The following PEX5L variants were observed in gnomAD, a reference collection of about 807,000 sequenced individuals.
PEX5L encodes the protein peroxisomal biogenesis factor 5 like, also known as PEX5-related protein.
A neutral mutation model predicts 84.0 loss-of-function variants in PEX5L; 30 were observed. The observed-to-expected ratio is 0.36, with a 90% CI of 0.27 to 0.48. PEX5L has a LOEUF of 0.48. Among genes scored for constraint, PEX5L ranks in the 20% least tolerant of loss-of-function variants. The pLI is 0.99. For synonymous variants in PEX5L, 270 were observed against 283.1 expected, an observed-to-expected ratio of 0.95 and a Z score of 0.46; for missense variants, 533 against 754.6, an observed-to-expected ratio of 0.71 and a Z score of 3.44.
intron 9 of PEX5L, among the ~76,000 whole-genome samples, chr3:179,819,327 T>C (rs75062048): frequency 0.053 from 8,041 of 152,226 alleles, 692 homozygotes; most frequent in African/African-American, 0.18. Flanking sequence ...CTGGGGCTCC[T>C]ATCAGGGGAG....
At position 179,826,586 on chromosome 3, in the gene PEX5L, T is replaced by C. The variant is rs148898713; in HGVS notation, c.823-6610A>G. Among the ~76,000 whole-genome samples, 7 of 152,278 alleles carry C rather than the reference T, an allele frequency of 4.6e-5. No homozygotes were observed. The East Asian group carries it at 1.4e-3, about 29-fold the overall frequency. ...GCTGGTGACTAGGGCTCCTTTACCA[T>C]GGGCATGAGGAGATGGGGACATGTA... On this transcript the variant is annotated intron_variant, in intron 8 of 14. Transcript: ENST00000467460.
intron 8 of PEX5L, among the ~76,000 whole-genome samples, chr3:179,844,173 A>C (rs1560339287): frequency 6.6e-6 from 1 of 152,160 alleles, no homozygotes. Context: ...GCGTGTGTGC[A>C]TGTGTGTGTG....
chr3:179,963,927 C>A (rs2110134980), intron 2 of PEX5L, among the ~76,000 whole-genome samples: 1 of 152,186 alleles, frequency 6.6e-6, no homozygotes, highest in South Asian at 2.1e-4. Flanking sequence ...AATTATAATT[C>A]AATGTCCCCA....
At chr3:179,946,260 T>C (rs1777522942) in intron 2 of PEX5L, among the ~76,000 whole-genome samples, 1 of 152,190 alleles carries the variant, frequency 6.6e-6, no homozygotes, top group Non-Finnish European at 1.5e-5. Flanking sequence ...ATAGAGTAAG[T>C]GAACTAATTT....
chr3:179,986,918 C>T (rs1579240201), intron 1 of PEX5L, among the ~76,000 whole-genome samples: 1 of 152,250 alleles, frequency 6.6e-6, no homozygotes, highest in Non-Finnish European at 1.5e-5. Context: ...AAAAGGTCAA[C>T]AGCTCTTTAT....
chr3:179,798,348 G>C lies in PEX5L; in HGVS notation c.*3480C>G, dbSNP rs182367761. 6 of 152,264 alleles carry C rather than the reference G, an allele frequency of 3.9e-5. No individual in the cohort carries two copies. The East Asian group carries it at 9.6e-4, about 24-fold the overall frequency. The allele number at this position is 152,264 out of a possible 1,614,324, so 9.4% of individuals were successfully genotyped here. On this transcript the variant is annotated 3_prime_UTR_variant, in exon 15 of 15. Coordinates refer to ENST00000467460, the MANE Select transcript of PEX5L (RefSeq NM_016559.3). ...TCTACCCATTTTTCAGGAGTCATGG[G>C]GAGTGAGTTTTGGAGGAAGTAAAGG...
chr3:179,944,006 C>G (rs566562654), intron 2 of PEX5L, among the ~76,000 whole-genome samples: 24 of 151,698 alleles, frequency 1.6e-4, no homozygotes, highest in Middle Eastern at 3.4e-3. Flanking sequence ...GCCCTCCCCC[C>G]CCCAAAAAAC....
intron 8 of PEX5L, among the ~76,000 whole-genome samples, chr3:179,828,694 G>C (rs1056034639): frequency 1.3e-5 from 2 of 151,438 alleles, no homozygotes; most frequent in Non-Finnish European, 2.9e-5. Flanking sequence ...TGTGTGTTTA[G>C]GGTTCTCTAG....
rs549311495 is a variant in PEX5L, at chr3:179,796,545, C to T, written c.*5283G>A. ...TTTTTTCCTCTTAACTGTTTAATGC[C>T]TCCCCACAATCGTCTTTGCTATGTG... On this transcript the variant is annotated 3_prime_UTR_variant, in exon 15 of 15. Coordinates refer to ENST00000467460, the MANE Select transcript of PEX5L (RefSeq NM_016559.3). 1.3e-5 allele frequency: 2 copies of T among 151,988 alleles called. No homozygotes were observed. The highest frequency in any genetic ancestry group is 2.1e-4 in the South Asian group (1 of 4,802). The allele number at this position is 151,988 out of a possible 1,614,324, so 9.4% of individuals were successfully genotyped here.
chr3:179,815,746 A>T (rs1725828135), intron 10 of PEX5L, 115 bp downstream of exon 10: 2 of 1,131,152 alleles, frequency 1.8e-6, no homozygotes, highest in Non-Finnish European at 2.6e-6. Flanking sequence ...AAGCTAGGTT[A>T]ACTCCTCTGG....
chr3:179,859,928 G>GA (rs1156770051), intron 7 of PEX5L, among the ~76,000 whole-genome samples: 3 of 151,476 alleles, frequency 2.0e-5, no homozygotes, highest in East Asian at 3.9e-4. Context: ...TACTTATTTC[G>GA]AAAAAAAATT....
chr3:179,875,930 A>G (rs1178210301), intron 5 of PEX5L, among the ~76,000 whole-genome samples: 1 of 152,164 alleles, frequency 6.6e-6, no homozygotes, highest in Non-Finnish European at 1.5e-5. Context: ...GTTTAAAAAG[A>G]TGAGCTTCAG....
intron 1 of PEX5L, among the ~76,000 whole-genome samples, chr3:180,019,600 G>T (rs1561071709): frequency 6.6e-6 from 1 of 152,076 alleles, no homozygotes; most frequent in African/African-American, 2.4e-5. Context: ...CTCTCTAAGT[G>T]GGTATACCAA....
At chr3:179,911,415 C>T (rs1038510378) in intron 2 of PEX5L, among the ~76,000 whole-genome samples, 1 of 149,704 alleles carries the variant, frequency 6.7e-6, no homozygotes, top group African/African-American at 2.5e-5. Context: ...TGATCTCGGG[C>T]AGAGATCTTT....
intron 2 of PEX5L, among the ~76,000 whole-genome samples, chr3:179,906,117 GGACA>G (rs1763118781): frequency 6.6e-6 from 1 of 152,124 alleles, no homozygotes; most frequent in Non-Finnish European, 1.5e-5. Context: ...TTGCTCCGAA[GGACA>G]GATAAGGCTT....
At chr3:179,953,914 A>C (rs1779778795) in intron 2 of PEX5L, among the ~76,000 whole-genome samples, 1 of 152,246 alleles carries the variant, frequency 6.6e-6, no homozygotes, top group African/African-American at 2.4e-5. Context: ...AATGCTTAGC[A>C]ACTAATGAAG....
At position 179,862,986 on chromosome 3, in the gene PEX5L, A is replaced by C. The variant is rs184608530; in HGVS notation, c.727-3829T>G. ...AATGGCATGATAAGAGCATAAAAACAGGCATATAGACCAATGGAACAGAAT... is the reference window on the plus strand; with the variant it reads ...AATGGCATGATAAGAGCATAAAAACCGGCATATAGACCAATGGAACAGAAT... On this transcript the variant is annotated intron_variant, in intron 7 of 14. Coordinates refer to ENST00000467460, the MANE Select transcript of PEX5L (RefSeq NM_016559.3). 3.6e-4 allele frequency among the ~76,000 whole-genome samples: 55 copies of C among 152,352 alleles called. No individual in the cohort carries two copies. The East Asian group carries it at 9.1e-3, about 25-fold the overall frequency.
intron 2 of PEX5L, 175 bp from the exon 3 acceptor site, chr3:179,898,421 AT>A: frequency 2.2e-6 from 1 of 454,448 alleles, no homozygotes; most frequent in Non-Finnish European, 3.9e-6. Context: ...AAAAAAGATT[AT>A]TTGTGAACTT....
intron 3 of PEX5L, among the ~76,000 whole-genome samples, chr3:179,893,068 T>G (rs1758082407): frequency 6.6e-6 from 1 of 152,162 alleles, no homozygotes; most frequent in African/African-American, 2.4e-5. Flanking sequence ...AGGGGCTTGT[T>G]GTCAATCAGA....
Sources: gnomAD v4.1 joint callset for allele counts (sites outside exome capture counted in the v4.1 genomes callset) on GRCh38, gnomAD v4.1.1 for gene constraint, MANE v1.5 for transcripts, NCBI Gene and HGNC (gene_info 2026-07-23, HGNC 2026-07-21) for gene names.